Variants in NRG1 observed in about 807,000 individuals in gnomAD.
The protein encoded by NRG1 is neuregulin 1, also known as pro-neuregulin-1, membrane-bound isoform.
A neutral mutation model predicts 63.8 loss-of-function variants in NRG1; 18 were observed. The ratio of observed to expected loss-of-function variants is 0.28; its 90% CI spans 0.19 to 0.42. The LOEUF (loss-of-function observed/expected upper bound fraction) is 0.42. Among genes scored for constraint, NRG1 ranks in the 10% least tolerant of loss-of-function variants. The pLI, the probability that NRG1 is intolerant of heterozygous loss-of-function variation, is 1.00. For synonymous variants in NRG1, 302 were observed against 301.3 expected, an observed-to-expected ratio of 1.00 and a Z score of -0.02; for missense variants, 762 against 814.7, an observed-to-expected ratio of 0.94 and a Z score of 0.79.
chr8:32,754,767 G>A (rs1434535165), intron 8 of NRG1, among the ~76,000 whole-genome samples: 1 of 152,166 alleles, frequency 6.6e-6, no homozygotes, highest in Non-Finnish European at 1.5e-5. Flanking sequence ...GGGTGGGACA[G>A]AATGAAGGCA....
At chr8:32,364,075 C>CTTTTT (rs932903875) in intron 1 of NRG1, among the ~76,000 whole-genome samples, 679 of 65,156 alleles carry the variant, frequency 0.01, 2 homozygotes, top group African/African-American at 0.013. Context: ...TCTGACTAGT[C>CTTTTT]TTTTTTTTTT....
At chr8:32,686,159 T>C (rs1261123789) in intron 5 of NRG1, among the ~76,000 whole-genome samples, 1 of 152,192 alleles carries the variant, frequency 6.6e-6, no homozygotes, top group Admixed American at 6.5e-5. Flanking sequence ...TCTCCTTGAT[T>C]GTGGCAAATG....
In NRG1 at chr8:32,742,128, A is replaced by G; in HGVS notation, c.633-547A>G. ...TTCTCCCCCAACTACAGCAACAATC[A>G]CTACCACTTGGTGCTTTTACAGCTC... On this transcript the variant is annotated intron_variant, in intron 6 of 11. Transcript: ENST00000356819. This position sits in a 1 kb window ranked among gnomAD's most constrained non-coding sequence, Gnocchi z 4.2. 7.1e-7 allele frequency: 1 copy of G among 1,399,900 alleles called. No individual in the cohort carries two copies. Among genetic ancestry groups the G allele is most frequent in the South Asian group, 1.2e-5 (1 of 86,468 alleles). 86.7% of individuals were successfully genotyped at this position (1,399,900 alleles called of 1,614,324 possible).
intron 1 of NRG1, among the ~76,000 whole-genome samples, chr8:31,707,477 C>A (rs574518855): frequency 2.6e-5 from 4 of 152,050 alleles, no homozygotes; most frequent in South Asian, 2.1e-4. Flanking sequence ...TCTGAATATT[C>A]TTTTCTTCTT....
intron 1 of NRG1, among the ~76,000 whole-genome samples, chr8:32,439,525 C>G (rs1819238882): frequency 6.6e-6 from 1 of 152,124 alleles, no homozygotes; most frequent in African/African-American, 2.4e-5. Context: ...AAGCCACAGT[C>G]AGAACACTGT....
chr8:31,800,192 A>T (rs1015655027), intron 1 of NRG1, among the ~76,000 whole-genome samples: 1 of 152,220 alleles, frequency 6.6e-6, no homozygotes, highest in Non-Finnish European at 1.5e-5. Context: ...GATCATAACA[A>T]AAAAAGCAAT....
At chr8:31,932,354 A>G (rs1834938248) in intron 1 of NRG1, among the ~76,000 whole-genome samples, 1 of 152,180 alleles carries the variant, frequency 6.6e-6, no homozygotes, top group African/African-American at 2.4e-5. Context: ...GATGTATCTT[A>G]TAGAATCAGC....
intron 1 of NRG1, among the ~76,000 whole-genome samples, chr8:32,173,724 A>C (rs1048751893): frequency 7.2e-5 from 11 of 152,212 alleles, no homozygotes; most frequent in Admixed American, 4.6e-4. Context: ...TAAACCAACA[A>C]AGATCAAAAG....
At chr8:32,520,315 T>C (rs1830217221) in intron 1 of NRG1, among the ~76,000 whole-genome samples, 1 of 150,868 alleles carries the variant, frequency 6.6e-6, no homozygotes, top group African/African-American at 2.4e-5. Context: ...TGCCACCTTG[T>C]CCAGCTACTT....
At chr8:31,948,185 T>A (rs895817859) in intron 1 of NRG1, among the ~76,000 whole-genome samples, 1 of 152,184 alleles carries the variant, frequency 6.6e-6, no homozygotes, top group Non-Finnish European at 1.5e-5. Context: ...TCATTTTCTT[T>A]TCTTTCCTTT....
chr8:32,206,277 C>T (rs1391492086), intron 1 of NRG1, among the ~76,000 whole-genome samples: 1 of 152,100 alleles, frequency 6.6e-6, no homozygotes, highest in Non-Finnish European at 1.5e-5. Context: ...CCTACATTAT[C>T]CTGCTGAAGA....
chr8:32,622,484 C>T (rs1303110083), intron 5 of NRG1, among the ~76,000 whole-genome samples: 1 of 152,070 alleles, frequency 6.6e-6, no homozygotes, highest in Non-Finnish European at 1.5e-5. Flanking sequence ...CTCACTGCAG[C>T]CTTGACCTCC....
chr8:31,663,989 G>A (rs917864628), intron 1 of NRG1, among the ~76,000 whole-genome samples: 1 of 151,814 alleles, frequency 6.6e-6, no homozygotes, highest in Non-Finnish European at 1.5e-5. Flanking sequence ...TTTTTTTTAG[G>A]GGGGCGGTTT....
intron 1 of NRG1, among the ~76,000 whole-genome samples, chr8:31,747,996 A>G (rs916600784): frequency 4.6e-5 from 7 of 151,978 alleles, no homozygotes; most frequent in South Asian, 2.1e-4. Context: ...CTTCAATACT[A>G]TCTATCAGCA....
In NRG1 at chr8:32,166,457, T is replaced by C. The variant is rs571984158; in HGVS notation, c.38-429371T>C. On this transcript the variant is annotated intron_variant, in intron 1 of 10. Coordinates refer to the NRG1 transcript ENST00000519301. ...TCCTTGGCTCTACGGATTCATTTTT[T>C]TTCTCCTTCTACTGTCAACACTGTT... 2.4e-4 allele frequency among the ~76,000 whole-genome samples: 37 copies of C among 152,312 alleles called. 1 individual carries two copies. Among genetic ancestry groups the C allele is most frequent in the African/African-American group, 8.9e-4 (37 of 41,568 alleles).
chr8:32,423,040 C>G (rs1316598928), intron 1 of NRG1, among the ~76,000 whole-genome samples: 4 of 152,178 alleles, frequency 2.6e-5, no homozygotes, highest in Non-Finnish European at 4.4e-5. Flanking sequence ...CAACTGCACT[C>G]CCCATGAAAG....
At chr8:32,752,354 G>A (rs1334743955) in intron 7 of NRG1, among the ~76,000 whole-genome samples, 1 of 152,136 alleles carries the variant, frequency 6.6e-6, no homozygotes, top group African/African-American at 2.4e-5. Context: ...AGGGGAGGCA[G>A]CAGACATATG....
chr8:32,015,188 C>T (rs1386086064), intron 1 of NRG1, among the ~76,000 whole-genome samples: 1 of 152,088 alleles, frequency 6.6e-6, no homozygotes, highest in African/African-American at 2.4e-5. Context: ...TTCTCCCCAA[C>T]TCATACCATA....
chr8:31,645,627 A>G (rs886723714), intron 1 of NRG1, among the ~76,000 whole-genome samples: 6 of 152,214 alleles, frequency 3.9e-5, no homozygotes, highest in African/African-American at 1.4e-4. Context: ...CTTGCCATCC[A>G]GGCATCCTAG....
Sources: allele counts gnomAD v4.1 joint callset (sites outside exome capture counted in the v4.1 genomes callset), GRCh38; gene constraint gnomAD v4.1.1; non-coding constraint Gnocchi (gnomAD v3.1); transcripts MANE v1.5; gene names NCBI Gene and HGNC (gene_info 2026-07-23, HGNC 2026-07-21).